TCERG1L: variants seen among roughly 807,000 people sequenced by gnomAD.
TCERG1L encodes the protein transcription elongation regulator 1 like, also known as transcription elongation regulator 1-like protein.
A neutral mutation model predicts 56.3 loss-of-function variants in TCERG1L; 37 were observed. The observed-to-expected ratio is 0.66, with a 90% CI of 0.51 to 0.87. TCERG1L has a LOEUF of 0.87. Ranked by LOEUF, TCERG1L falls within the 40% of genes least tolerant of loss-of-function variation. The pLI is 0.00. For missense variants in TCERG1L, 799 were observed against 774.2 expected, an observed-to-expected ratio of 1.03 and a Z score of -0.38; for synonymous variants, 324 against 326.3, an observed-to-expected ratio of 0.99 and a Z score of 0.08.
chr10:131,308,275 C>G lies in TCERG1L; in HGVS notation c.606G>C (p.Leu202=). ...RLLANQVAVS[L]SRPAPASRPL... is the part of the protein sequence containing the mutation. ...GCCTGGAGGCAGGAGCCGGCCTGGACAGAGACACAGCTACTTGATTTGCCA... is the reference window on the plus strand; with the variant it reads ...GCCTGGAGGCAGGAGCCGGCCTGGAGAGAGACACAGCTACTTGATTTGCCA... The change falls in exon 3 of 12, where the codon CTG becomes CTC. Residue 202 remains leucine (L), a synonymous_variant. Coordinates refer to ENST00000368642, the MANE Select transcript of TCERG1L (RefSeq NM_174937.4). The G allele has an allele frequency of 6.2e-7, 1 of 1,613,966 alleles. No individual in the cohort carries two copies. Among genetic ancestry groups the G allele is most frequent in the Admixed American group, 1.7e-5 (1 of 60,022 alleles).
At chr10:131,163,504 A>C (rs1164771284) in intron 5 of TCERG1L, among the ~76,000 whole-genome samples, 3 of 152,172 alleles carry the variant, frequency 2.0e-5, no homozygotes, top group Non-Finnish European at 2.9e-5. Flanking sequence ...AAGAGAGGGC[A>C]TCTGAGGTCT....
chr10:131,233,763 C>T (rs1002036840), intron 4 of TCERG1L, among the ~76,000 whole-genome samples: 1 of 152,072 alleles, frequency 6.6e-6, no homozygotes, highest in South Asian at 2.1e-4. Flanking sequence ...ATGGTTTGTC[C>T]CCACCAAAAC....
chr10:131,112,041 C>T (rs1023141113), intron 9 of TCERG1L, among the ~76,000 whole-genome samples: 5 of 142,788 alleles, frequency 3.5e-5, no homozygotes, highest in African/African-American at 1.2e-4. Context: ...TTCTGCCTCC[C>T]CTGGTCTCAG....
At chr10:131,216,881 A>G (rs1410511671) in intron 4 of TCERG1L, among the ~76,000 whole-genome samples, 2 of 152,132 alleles carry the variant, frequency 1.3e-5, no homozygotes, top group African/African-American at 4.8e-5. Flanking sequence ...ATGTCTCAAG[A>G]GACCGCGGGG....
At chr10:131,150,458 C>T (rs7094418) in intron 6 of TCERG1L, among the ~76,000 whole-genome samples, 30,787 of 152,258 alleles carry the variant, frequency 0.2, 3,489 homozygotes, top group East Asian at 0.35. Flanking sequence ...CCTCGGGACA[C>T]AGGCTCAGAC....
At chr10:131,263,436 C>T (rs1274874230) in intron 3 of TCERG1L, among the ~76,000 whole-genome samples, 6 of 152,190 alleles carry the variant, frequency 3.9e-5, no homozygotes, top group Admixed American at 3.3e-4. Flanking sequence ...AGTTGTTTGG[C>T]CTGGCTGTGT....
intron 3 of TCERG1L, among the ~76,000 whole-genome samples, chr10:131,276,979 T>C (rs1846399751): frequency 6.6e-6 from 1 of 152,184 alleles, no homozygotes. Context: ...ACATTTCTCA[T>C]CATATGTAGC....
At chr10:131,251,221 C>T (rs1317077342) in intron 4 of TCERG1L, among the ~76,000 whole-genome samples, 1 of 152,188 alleles carries the variant, frequency 6.6e-6, no homozygotes, top group African/African-American at 2.4e-5. Context: ...CTGACCACTC[C>T]CACGCCCTTC....
intron 4 of TCERG1L, among the ~76,000 whole-genome samples, chr10:131,229,168 C>T (rs191638406): frequency 7.5e-5 from 10 of 132,922 alleles, no homozygotes; most frequent in African/African-American, 2.3e-4. Context: ...CAAGGCCTCA[C>T]GAGTCTCCCC....
At chr10:131,302,666 T>C (rs1201903166) in intron 3 of TCERG1L, among the ~76,000 whole-genome samples, 2 of 151,042 alleles carry the variant, frequency 1.3e-5, no homozygotes, top group African/African-American at 4.9e-5. Context: ...CTGGGATACA[T>C]GTGCAGAACT....
intron 4 of TCERG1L, among the ~76,000 whole-genome samples, chr10:131,221,165 A>G (rs1488353354): frequency 2.0e-5 from 3 of 152,226 alleles, no homozygotes; most frequent in Non-Finnish European, 4.4e-5. Flanking sequence ...CCACAGGGGC[A>G]GCCCAGAATG....
chr10:131,093,083 G>C lies in TCERG1L; in HGVS notation c.*79C>G. The C allele has an allele frequency of 2.6e-6, 4 of 1,513,638 alleles. No individual in the cohort carries two copies. Among genetic ancestry groups the C allele is most frequent in the Non-Finnish European group, 3.6e-6 (4 of 1,122,288 alleles). The allele number at this position is 1,513,638 out of a possible 1,614,324, so 93.8% of individuals were successfully genotyped here. A position where few individuals can be genotyped will look rare whatever the true frequency, so the allele number is the denominator to read the frequency against. ...TGCAGGTCTCGGCCGCCCCACGCCC[G>C]TGTCCGTCTCCACCGTGACCCCCTC... On this transcript the variant is annotated 3_prime_UTR_variant, in exon 12 of 12. Transcript: ENST00000368642.
chr10:131,200,082 G>A (rs377553212), intron 4 of TCERG1L, among the ~76,000 whole-genome samples: 1 of 152,056 alleles, frequency 6.6e-6, no homozygotes, highest in African/African-American at 2.4e-5. Context: ...CACCAGGATC[G>A]TCCTTAATGC....
At chr10:131,212,860 T>C (rs939459306) in intron 4 of TCERG1L, among the ~76,000 whole-genome samples, 2 of 152,164 alleles carry the variant, frequency 1.3e-5, no homozygotes, top group African/African-American at 2.4e-5. Context: ...CTGCCCCATG[T>C]GATATGAGGT....
intron 7 of TCERG1L, among the ~76,000 whole-genome samples, chr10:131,138,335 G>A (rs531278619): frequency 6.6e-6 from 1 of 152,266 alleles, no homozygotes; most frequent in East Asian, 1.9e-4. Flanking sequence ...ATTCTCTGCT[G>A]ACTGCAAAGA....
chr10:131,272,709 G>A (rs910871125), intron 3 of TCERG1L, among the ~76,000 whole-genome samples: 13 of 152,306 alleles, frequency 8.5e-5, no homozygotes, highest in Middle Eastern at 3.4e-3. Flanking sequence ...GCCGTCCAGC[G>A]TGGATGGGGG....
chr10:131,163,880 A>G (rs1846003715), intron 5 of TCERG1L: 1 of 152,286 alleles, frequency 6.6e-6, no homozygotes, highest in African/African-American at 2.4e-5. Flanking sequence ...CTGTAATCCC[A>G]GCACTTTGGG....
At position 131,167,290 on chromosome 10, in the gene TCERG1L, G is replaced by C. The variant is rs181048042; in HGVS notation, c.857-405C>G. 5.6e-3 allele frequency among the ~76,000 whole-genome samples: 854 copies of C among 152,338 alleles called. 3 individuals are homozygous for C. The highest frequency in any genetic ancestry group is 0.012 in the Admixed American group (186 of 15,306). ...GTTGTCCATCTGGTGACAATCACCA[G>C]GGTGAGGCTGTGACAACCCTCACAC... On this transcript the variant is annotated intron_variant, in intron 4 of 11. Transcript: ENST00000368642.
At chr10:131,265,447 C>T (rs747580798) in intron 3 of TCERG1L, among the ~76,000 whole-genome samples, 2 of 152,134 alleles carry the variant, frequency 1.3e-5, no homozygotes, top group Non-Finnish European at 1.5e-5. Context: ...TAGATGAGAT[C>T]GAAAGAAGAG....
Sources: gnomAD v4.1 joint callset for allele counts (sites outside exome capture counted in the v4.1 genomes callset) on GRCh38, gnomAD v4.1.1 for gene constraint, MANE v1.5 for transcripts, NCBI Gene and HGNC (gene_info 2026-07-23, HGNC 2026-07-21) for gene names.